Variants in CBL observed in about 807,000 individuals in gnomAD.
The protein encoded by CBL is Cbl proto-oncogene, also known as E3 ubiquitin-protein ligase CBL.
Under a neutral mutation model 96.9 loss-of-function variants are expected in CBL, and 45 were observed. That is an observed-to-expected ratio of 0.46 (90% CI 0.37 to 0.60). The LOEUF (loss-of-function observed/expected upper bound fraction) is 0.60, where lower values mean the gene tolerates loss of function less well. CBL is among the 20% of genes least tolerant of loss of function. CBL has a pLI of 0.00. For missense variants in CBL, 1,024 were observed against 1,143.5 expected (o/e 0.90, Z 1.51); for synonymous variants, 420 against 426.8 (o/e 0.98, Z 0.20).
At position 119,302,150 on chromosome 11, in the gene CBL, T is replaced by TTG. The variant is rs374216798; in HGVS notation, c.*2380_*2381dup. Reference sequence around the variant, plus strand: ...GAAACTGAGGCTCCAGCTCCCTGTGTTGTGTGTGTGTGCCATCCATGGGCT... The same window carrying TTG: ...GAAACTGAGGCTCCAGCTCCCTGTGTTGTGTGTGTGTGTGCCATCCATGGGCT... On this transcript the variant is annotated 3_prime_UTR_variant, in exon 16 of 16. Coordinates refer to ENST00000264033, the MANE Select transcript of CBL (RefSeq NM_005188.4). The TTG allele has an allele frequency of 8.6e-6, 2 of 232,682 alleles. No individual in the cohort carries two copies. The highest frequency in any genetic ancestry group is 1.7e-5 in the Non-Finnish European group (2 of 117,764). The allele number at this position is 232,682 out of a possible 1,614,324, so 14.4% of individuals were successfully genotyped here. A position where few individuals can be genotyped will look rare whatever the true frequency, so the allele number is the denominator to read the frequency against.
In CBL at chr11:119,303,228, ACGTC is replaced by A. The variant is rs1309437783; in HGVS notation, c.*3448_*3451del. Reference sequence around the variant, plus strand: ...ATAAAGCAGAATATTCTCCTACCTCACGTCATTAAAGTCAGAAGATTATAGACCT... The same window carrying A: ...ATAAAGCAGAATATTCTCCTACCTCAATTAAAGTCAGAAGATTATAGACCT... On this transcript the variant is annotated 3_prime_UTR_variant, in exon 16 of 16. Transcript: ENST00000264033. The A allele has an allele frequency of 4.3e-6, 1 of 231,678 alleles. No individual in the cohort carries two copies. The highest frequency in any genetic ancestry group is 2.2e-5 in the African/African-American group (1 of 45,250). 14.4% of individuals were successfully genotyped at this position (231,678 alleles called of 1,614,324 possible). A position where few individuals can be genotyped will look rare whatever the true frequency, so the allele number is the denominator to read the frequency against.
rs374515645 is a variant in CBL at position 119,285,348 on chromosome 11, A to G, written c.1723A>G (p.Arg575Gly). Reference protein sequence around the residue: ...LPCTPGDCPSRDKLPPVPSSR... With the variant: ...LPCTPGDCPSGDKLPPVPSSR... ...TTGTACACCAGGCGACTGTCCCTCCAGAGACAAACTGCCCCCTGTCCCCTC... is the reference window on the plus strand; with the variant it reads ...TTGTACACCAGGCGACTGTCCCTCCGGAGACAAACTGCCCCCTGTCCCCTC... The change falls in exon 11 of 16, where the codon AGA becomes GGA. Residue 575 changes from arginine (R) to glycine (G), a missense_variant. Arg to Gly is a moderately radical substitution (Grantham distance 125). Coordinates refer to ENST00000264033, the MANE Select transcript of CBL (RefSeq NM_005188.4). 102 of 1,614,030 alleles carry G rather than the reference A, an allele frequency of 6.3e-5. No homozygotes were observed. The highest frequency in any genetic ancestry group is 7.8e-5 in the Non-Finnish European group (92 of 1,180,034).
At chr11:119,218,020 A>G (rs1565855411) in intron 1 of CBL, among the ~76,000 whole-genome samples, 1 of 152,170 alleles carries the variant, frequency 6.6e-6, no homozygotes, top group Admixed American at 6.6e-5. Context: ...GCAGTGAGCT[A>G]TGATCCTGCT....
rs201631570 is a variant in CBL, at chr11:119,299,629, C to G, written c.2569C>G (p.Leu857Val). ...AASAATASPQ[L>V]SSEIENLMSQ... is the part of the protein sequence containing the mutation. Reference sequence around the variant, plus strand: ...CTCTGCTGCCACCGCCTCACCTCAGCTCTCCAGTGAGATCGAGAACCTCAT... The same window carrying G: ...CTCTGCTGCCACCGCCTCACCTCAGGTCTCCAGTGAGATCGAGAACCTCAT... The change falls in exon 16 of 16, where the codon CTC becomes GTC. Residue 857 changes from leucine to valine, a missense_variant. Transcript: ENST00000264033. The G allele has an allele frequency of 6.2e-7, 1 of 1,614,242 alleles. No homozygotes were observed. Among genetic ancestry groups the G allele is most frequent in the Non-Finnish European group, 8.5e-7 (1 of 1,180,042 alleles).
chr11:119,269,246 CTT>C (rs11317875), intron 2 of CBL, among the ~76,000 whole-genome samples: 6,619 of 118,194 alleles, frequency 0.056, 205 homozygotes, highest in East Asian at 0.21. Flanking sequence ...TGGATAAGTG[CTT>C]TTTTTTTTTT....
At position 119,304,712 on chromosome 11, in the gene CBL, T is replaced by C. The variant is rs2510145; in HGVS notation, c.*4931T>C. On this transcript the variant is annotated 3_prime_UTR_variant, in exon 16 of 16. Transcript: ENST00000264033. The stretch of plus-strand genomic sequence containing the variant: ...TGCAGTCTCAACTCACCACAACCTC[T>C]GCCTCCCAGGTTCAAGCAGTTCTCT... 0.99 allele frequency: 201,566 copies of C among 202,688 alleles called. 100,224 individuals carry two copies. The highest frequency in any genetic ancestry group is 1 in the Middle Eastern group (612 of 612). 12.6% of individuals were successfully genotyped at this position (202,688 alleles called of 1,614,324 possible). A position where few individuals can be genotyped will look rare whatever the true frequency, so the allele number is the denominator to read the frequency against.
chr11:119,215,919 T>A (rs4936467), intron 1 of CBL, among the ~76,000 whole-genome samples: 89,471 of 152,100 alleles, frequency 0.59, 27,225 homozygotes, highest in East Asian at 0.92. Context: ...GCTGGAAGAA[T>A]ATAGGTAGGA....
intron 1 of CBL, among the ~76,000 whole-genome samples, chr11:119,209,491 C>T (rs1219528415): frequency 2.6e-5 from 4 of 152,094 alleles, no homozygotes; most frequent in Non-Finnish European, 4.4e-5. Context: ...TGGTGGCAGA[C>T]GCCTGTAATC....
chr11:119,228,728 A>C (rs1949478350), intron 1 of CBL, among the ~76,000 whole-genome samples: 1 of 151,616 alleles, frequency 6.6e-6, no homozygotes, highest in Non-Finnish European at 1.5e-5. Flanking sequence ...TCACTCAAGC[A>C]ATCCTTCTGC....
intron 2 of CBL, among the ~76,000 whole-genome samples, chr11:119,262,828 C>T (rs1412560901): frequency 3.3e-5 from 5 of 152,100 alleles, no homozygotes; most frequent in African/African-American, 7.2e-5. Flanking sequence ...CTGGAGAGTC[C>T]TCCCCAAGGA....
intron 11 of CBL, among the ~76,000 whole-genome samples, chr11:119,287,337 G>GCT (rs1949991694): frequency 1.3e-5 from 2 of 152,238 alleles, no homozygotes; most frequent in African/African-American, 4.8e-5. Context: ...GTTGATGGAA[G>GCT]CATCAGCAAG....
chr11:119,274,620 CAA>C (rs1413609985), intron 4 of CBL, among the ~76,000 whole-genome samples: 2 of 152,180 alleles, frequency 1.3e-5, no homozygotes, highest in South Asian at 2.1e-4. Context: ...CATTTTGTGT[CAA>C]GTTTCTCCCT....
chr11:119,274,766 C>G (rs879217409), intron 4 of CBL, 66 bp from the exon 5 acceptor site: 18 of 1,176,774 alleles, frequency 1.5e-5, no homozygotes, highest in East Asian at 3.0e-5. Flanking sequence ...TTTTTTTTTT[C>G]TCATTGCCCT....
At chr11:119,246,200 C>G (rs1170062285) in intron 2 of CBL, among the ~76,000 whole-genome samples, 2 of 151,914 alleles carry the variant, frequency 1.3e-5, no homozygotes, top group Non-Finnish European at 2.9e-5. Flanking sequence ...GTCTTGATCT[C>G]TTGACCTCGT....
At chr11:119,252,626 C>T (rs1203107123) in intron 2 of CBL, among the ~76,000 whole-genome samples, 4 of 151,984 alleles carry the variant, frequency 2.6e-5, no homozygotes, top group East Asian at 1.9e-4. Flanking sequence ...GAGGCCGAGG[C>T]GGGTGGATCA....
intron 1 of CBL, among the ~76,000 whole-genome samples, chr11:119,223,331 CT>C (rs1257765702): frequency 6.7e-6 from 1 of 149,320 alleles, no homozygotes; most frequent in Non-Finnish European, 1.5e-5. Context: ...CATGCCTGGC[CT>C]TTTTAAAATT....
chr11:119,269,179 CAAT>C (rs1036372238), intron 2 of CBL, among the ~76,000 whole-genome samples: 3 of 148,138 alleles, frequency 2.0e-5, no homozygotes, highest in African/African-American at 7.5e-5. Context: ...TTCTATTAAA[CAAT>C]AATCAAAGGA....
At chr11:119,242,010 A>G (rs1195904674) in intron 2 of CBL, among the ~76,000 whole-genome samples, 1 of 152,246 alleles carries the variant, frequency 6.6e-6, no homozygotes, top group African/African-American at 2.4e-5. Context: ...TGTATTTTAC[A>G]GTGACAGTAT....
rs1379628415 is a variant in CBL at position 119,298,473 on chromosome 11, T to C, written c.2367T>C (p.Thr789=). ...PPVPAVLARR[T]LSDISNASSS... ...TGCCGGCCGTGCTGGCCCGCCGAAC[T>C]CTCTCAGATATCTCTAATGCCAGCT... Residue 789 remains threonine, a synonymous_variant, in exon 15 of 16, where the codon ACT becomes ACC. Coordinates refer to ENST00000264033, the MANE Select transcript of CBL (RefSeq NM_005188.4). 6.2e-7 allele frequency: 1 copy of C among 1,614,192 alleles called. No individual in the cohort carries two copies. Among genetic ancestry groups the C allele is most frequent in the African/African-American group, 1.3e-5 (1 of 75,052 alleles).
Sources: gnomAD v4.1 joint callset for allele counts (sites outside exome capture counted in the v4.1 genomes callset) on GRCh38, gnomAD v4.1.1 for gene constraint, MANE v1.5 for transcripts, NCBI Gene and HGNC (gene_info 2026-07-23, HGNC 2026-07-21) for gene names.